The following GRID2 variants were observed in gnomAD, a reference collection of about 807,000 sequenced individuals.
GRID2 encodes glutamate ionotropic receptor delta type subunit 2.
A neutral mutation model predicts 114.8 loss-of-function variants in GRID2; 33 were observed. The ratio of observed to expected loss-of-function variants is 0.29; its 90% CI spans 0.22 to 0.38. The LOEUF (loss-of-function observed/expected upper bound fraction) is 0.38, where lower values mean the gene tolerates loss of function less well. GRID2 is among the 10% of genes least tolerant of loss of function. The pLI is 1.00. For synonymous variants in GRID2, 505 were observed against 449.9 expected (o/e 1.12, Z -1.55); for missense variants, 1,184 against 1,257.7 (o/e 0.94, Z 0.89).
chr4:92,993,900 G>A (rs1755052014), intron 2 of GRID2, among the ~76,000 whole-genome samples: 1 of 152,220 alleles, frequency 6.6e-6, no homozygotes, highest in South Asian at 2.1e-4. Context: ...TTGTATCCTT[G>A]TTCCCAGGAT....
At chr4:93,154,495 C>T (rs1264269544) in intron 4 of GRID2, among the ~76,000 whole-genome samples, 4 of 151,918 alleles carry the variant, frequency 2.6e-5, no homozygotes, top group Admixed American at 6.6e-5. Context: ...ATACCACTCC[C>T]GGATAGCTTG....
intron 13 of GRID2, among the ~76,000 whole-genome samples, chr4:93,589,031 CT>C (rs34878543): frequency 0.19 from 28,836 of 148,428 alleles, 3,193 homozygotes; most frequent in Middle Eastern, 0.33. Flanking sequence ...CACTCCCCTG[CT>C]TTTTTTTTTA....
intron 2 of GRID2, among the ~76,000 whole-genome samples, chr4:92,656,168 G>C (rs915176875): frequency 6.6e-6 from 1 of 151,388 alleles, no homozygotes; most frequent in African/African-American, 2.4e-5. Context: ...AGTATACAAG[G>C]GTTTCCTTAT....
At chr4:92,888,766 CTT>C (rs988961552) in intron 2 of GRID2, among the ~76,000 whole-genome samples, 1 of 151,166 alleles carries the variant, frequency 6.6e-6, no homozygotes, top group Non-Finnish European at 1.5e-5. Flanking sequence ...ATATGTTTCT[CTT>C]GCACCCTTTA....
At chr4:93,680,926 C>T (rs1001091666) in intron 14 of GRID2, among the ~76,000 whole-genome samples, 11 of 151,396 alleles carry the variant, frequency 7.3e-5, no homozygotes, top group African/African-American at 2.7e-4. Flanking sequence ...GAAGTTCTGG[C>T]CAGGGCAATT....
At chr4:93,701,580 A>T (rs1451512968) in intron 14 of GRID2, among the ~76,000 whole-genome samples, 5 of 152,274 alleles carry the variant, frequency 3.3e-5, no homozygotes, top group African/African-American at 1.2e-4. Flanking sequence ...TGATTATTAC[A>T]ATTTACATTA....
chr4:92,743,366 C>G (rs1483921118), intron 2 of GRID2, among the ~76,000 whole-genome samples: 1 of 152,010 alleles, frequency 6.6e-6, no homozygotes, highest in African/African-American at 2.4e-5. Flanking sequence ...TTTTTTCTTT[C>G]ATTTCTGTTG....
At position 93,772,160 on chromosome 4, in the gene GRID2, T is replaced by G. The variant is rs1350763649; in HGVS notation, c.2686T>G (p.Ser896Ala). The change falls in exon 16 of 16, where the codon TCC becomes GCC. Residue 896 changes from serine to alanine, a missense_variant. By Grantham distance (99) the Ser-to-Ala change is moderately conservative. Coordinates refer to ENST00000282020, the MANE Select transcript of GRID2 (RefSeq NM_001510.4). The stretch of plus-strand genomic sequence containing the variant: ...TGACGACAGCCCCCATAAACAGTTT[T>G]CCACCTCGTCAATTGATTTGACCCC... ...TDDDSPHKQF[S>A]TSSIDLTPLD... The G allele has an allele frequency of 1.9e-6, 3 of 1,613,608 alleles. No homozygotes were observed. The South Asian group carries it at 3.3e-5, about 18-fold the overall frequency.
intron 9 of GRID2, among the ~76,000 whole-genome samples, chr4:93,415,495 G>T (rs533994958): frequency 6.6e-6 from 1 of 152,136 alleles, no homozygotes; most frequent in East Asian, 1.9e-4. Context: ...TGATCATGTG[G>T]TTCATAAAAT....
chr4:93,524,457 A>T (rs1730632835), intron 13 of GRID2, among the ~76,000 whole-genome samples: 1 of 152,142 alleles, frequency 6.6e-6, no homozygotes, highest in South Asian at 2.1e-4. Context: ...AAAGATGTAG[A>T]GATCATTTCC....
At chr4:93,396,737 A>G (rs551512447) in intron 9 of GRID2, among the ~76,000 whole-genome samples, 2 of 152,090 alleles carry the variant, frequency 1.3e-5, no homozygotes, top group South Asian at 4.1e-4. Context: ...TCTATACATT[A>G]TAGTTTTCTT....
chr4:93,182,783 C>T (rs1028927802), intron 4 of GRID2, among the ~76,000 whole-genome samples: 1 of 152,178 alleles, frequency 6.6e-6, no homozygotes, highest in African/African-American at 2.4e-5. Flanking sequence ...AACTCTAATC[C>T]TCTCTAGAGA....
chr4:93,800,175 G>A, intron 1 of GRID2, among the ~76,000 whole-genome samples: 1 of 152,194 alleles, frequency 6.6e-6, no homozygotes, highest in East Asian at 1.9e-4. Context: ...AGCAAGGGAA[G>A]TTTTCTAGCA....
chr4:92,485,555 T>C lies in GRID2; in HGVS notation c.89-104576T>C, dbSNP rs540692866. ...AAATACAAAAATTAGCCAGGCATGG[T>C]GTCACGTGCCTGTTGTCCCAGCTAC... On this transcript the variant is annotated intron_variant, in intron 1 of 15. Transcript: ENST00000282020. 4.0e-5 allele frequency among the ~76,000 whole-genome samples: 6 copies of C among 151,198 alleles called. No homozygotes were observed. The South Asian group carries it at 1.3e-3, about 32-fold the overall frequency.
chr4:93,146,009 C>G (rs1307686661), intron 4 of GRID2, among the ~76,000 whole-genome samples: 1 of 152,008 alleles, frequency 6.6e-6, no homozygotes, highest in Non-Finnish European at 1.5e-5. Flanking sequence ...TACACAATAT[C>G]TTTGAAAACT....
intron 2 of GRID2, among the ~76,000 whole-genome samples, chr4:92,797,124 A>G (rs1010569327): frequency 6.6e-6 from 1 of 151,860 alleles, no homozygotes; most frequent in Non-Finnish European, 1.5e-5. Flanking sequence ...TTCTTGTAAT[A>G]TCTTGACTTT....
At chr4:93,117,864 A>C (rs1028081947) in intron 4 of GRID2, among the ~76,000 whole-genome samples, 1 of 152,182 alleles carries the variant, frequency 6.6e-6, no homozygotes, top group Admixed American at 6.6e-5. Flanking sequence ...TATTAAATAA[A>C]GTGCTTTTAA....
intron 14 of GRID2, among the ~76,000 whole-genome samples, chr4:93,677,293 AG>A (rs1437145806): frequency 1.3e-5 from 2 of 152,068 alleles, no homozygotes; most frequent in African/African-American, 4.8e-5. Flanking sequence ...AACTGGGTGG[AG>A]CCCACCACAG....
intron 2 of GRID2, among the ~76,000 whole-genome samples, chr4:93,048,005 T>G (rs1578844549): frequency 6.6e-6 from 1 of 152,246 alleles, no homozygotes; most frequent in East Asian, 1.9e-4. Flanking sequence ...AGTATATTTT[T>G]GGAAACTGGA....
Sources: gnomAD v4.1 joint callset for allele counts (sites outside exome capture counted in the v4.1 genomes callset) on GRCh38, gnomAD v4.1.1 for gene constraint, MANE v1.5 for transcripts, NCBI Gene and HGNC (gene_info 2026-07-23, HGNC 2026-07-21) for gene names.